MECOM: variants seen among roughly 807,000 people sequenced by gnomAD.
MECOM encodes histone-lysine N-methyltransferase MECOM.
MECOM carries 13 observed loss-of-function variants against 116.3 expected under a neutral mutation model. That is an observed-to-expected ratio of 0.11 (90% CI 0.07 to 0.18). The LOEUF is 0.18. MECOM is among the 10% of genes least tolerant of loss of function. The probability of loss-of-function intolerance (pLI) is 1.00; values close to 1 mark genes in which losing one functional copy is unlikely to be tolerated. For synonymous variants in MECOM, 528 were observed against 535.2 expected (o/e 0.99, Z 0.19); for missense variants, 1,299 against 1,509.0 (o/e 0.86, Z 2.31).
rs115137141 is a variant in MECOM, at chr3:169,621,252, C to T, written c.37+42084G>A. On this transcript the variant is annotated intron_variant, in intron 1 of 16. Transcript: ENST00000651503. ...ATTGAGAATTTACATAACTTGTCAG[C>T]GTCTCACTATCCTAATCTATAGAAT... Among the ~76,000 whole-genome samples the T allele has an allele frequency of 8.4e-3, 1,277 of 152,314 alleles. 16 individuals carry two copies. The highest frequency in any genetic ancestry group is 0.029 in the African/African-American group (1,206 of 41,558).
At chr3:169,557,363 C>T (rs1174111200) in intron 1 of MECOM, among the ~76,000 whole-genome samples, 1 of 152,154 alleles carries the variant, frequency 6.6e-6, no homozygotes, top group African/African-American at 2.4e-5. Flanking sequence ...GTCACCACCC[C>T]ACCCTCATAG....
At chr3:169,543,831 C>T (rs1392124281) in intron 1 of MECOM, among the ~76,000 whole-genome samples, 4 of 152,132 alleles carry the variant, frequency 2.6e-5, no homozygotes, top group Non-Finnish European at 5.9e-5. Flanking sequence ...CTTTAAGTAT[C>T]TGCATACTTG....
chr3:169,444,619 A>G (rs1420833131), intron 1 of MECOM, among the ~76,000 whole-genome samples: 2 of 152,132 alleles, frequency 1.3e-5, no homozygotes, highest in African/African-American at 2.4e-5. Flanking sequence ...AGTCTCGGGT[A>G]TGTCTTTATC....
rs1716984902 is a variant in MECOM, at chr3:169,084,241, T to C, written c.*668A>G. 8.6e-6 allele frequency: 2 copies of C among 231,486 alleles called. No homozygotes were observed. The highest frequency in any genetic ancestry group is 3.6e-4 in the South Asian group (2 of 5,504). The allele number at this position is 231,486 out of a possible 1,614,324, so 14.3% of individuals were successfully genotyped here. A position where few individuals can be genotyped will look rare whatever the true frequency, so the allele number is the denominator to read the frequency against. ...ATTAGTGGTACAGCGGTACTGGTGATGAATAGGTTACTTCACTGACTTAAC... is the reference window on the plus strand; with the variant it reads ...ATTAGTGGTACAGCGGTACTGGTGACGAATAGGTTACTTCACTGACTTAAC... On this transcript the variant is annotated 3_prime_UTR_variant, in exon 17 of 17. Coordinates refer to ENST00000651503, the MANE Select transcript of MECOM (RefSeq NM_004991.4).
intron 1 of MECOM, among the ~76,000 whole-genome samples, chr3:169,420,845 G>A (rs1025595215): frequency 3.9e-5 from 6 of 152,094 alleles, no homozygotes; most frequent in Admixed American, 3.9e-4. Flanking sequence ...CATGCACTTT[G>A]AAATAAAATA....
intron 1 of MECOM, among the ~76,000 whole-genome samples, chr3:169,498,389 G>T (rs951520867): frequency 1.3e-5 from 2 of 152,128 alleles, no homozygotes; most frequent in African/African-American, 4.8e-5. Context: ...GTGAAACTCT[G>T]TCCAAAAGCA....
chr3:169,105,022 T>C (rs73879016), intron 10 of MECOM, among the ~76,000 whole-genome samples: 2 of 152,002 alleles, frequency 1.3e-5, no homozygotes, highest in Admixed American at 6.6e-5. Flanking sequence ...GAAAAGAGGA[T>C]TAAATTGGAG....
At chr3:169,193,720 T>G (rs1450930692) in intron 2 of MECOM, among the ~76,000 whole-genome samples, 1 of 152,030 alleles carries the variant, frequency 6.6e-6, no homozygotes, top group Non-Finnish European at 1.5e-5. Flanking sequence ...TCATTTTGAA[T>G]TTTTGGAATG....
rs144505620 is a variant in MECOM at position 169,295,809 on chromosome 3, T to C, written c.375+85378A>G. ...AACAAAACAAAGCAAAGACACCTTT[T>C]CACAGAACTTTAGAAATGACTGCAC... On this transcript the variant is annotated intron_variant, in intron 2 of 16. Transcript: ENST00000651503. Among the ~76,000 whole-genome samples, 154 of 152,300 alleles carry C rather than the reference T, an allele frequency of 1.0e-3. 1 individual carries two copies. Among genetic ancestry groups the C allele is most frequent in the African/African-American group, 3.5e-3 (146 of 41,562 alleles).
chr3:169,179,786 C>T (rs997704694), intron 2 of MECOM, among the ~76,000 whole-genome samples: 4 of 152,106 alleles, frequency 2.6e-5, no homozygotes, highest in Non-Finnish European at 5.9e-5. Flanking sequence ...AAATTCAGCT[C>T]GTTAAAAGGA....
chr3:169,459,095 C>T (rs1249525990), intron 1 of MECOM, among the ~76,000 whole-genome samples: 2 of 152,232 alleles, frequency 1.3e-5, no homozygotes, highest in Admixed American at 1.3e-4. Flanking sequence ...CCCATTTTCA[C>T]ATGTGCTTGG....
chr3:169,445,602 C>G (rs556499738), intron 1 of MECOM, among the ~76,000 whole-genome samples: 6 of 152,272 alleles, frequency 3.9e-5, no homozygotes, highest in East Asian at 3.9e-4. Context: ...GGGGTCACAG[C>G]CCCCACACAG....
chr3:169,260,916 T>C (rs144160271), intron 2 of MECOM, among the ~76,000 whole-genome samples: 4 of 152,262 alleles, frequency 2.6e-5, no homozygotes, highest in African/African-American at 9.6e-5. Context: ...AATGAAATCA[T>C]GGCATTTATC....
intron 1 of MECOM, among the ~76,000 whole-genome samples, chr3:169,609,637 A>T (rs2109809151): frequency 6.6e-6 from 1 of 152,268 alleles, no homozygotes; most frequent in Middle Eastern, 3.4e-3. Context: ...GAAGGTGACA[A>T]ATTATAGTCT....
intron 2 of MECOM, among the ~76,000 whole-genome samples, chr3:169,151,762 A>T (rs1560286236): frequency 6.6e-6 from 1 of 152,162 alleles, no homozygotes; most frequent in Non-Finnish European, 1.5e-5. Context: ...ATCTTACCTA[A>T]CCTAACTGAC....
At chr3:169,633,134 C>G (rs994482225) in intron 1 of MECOM, among the ~76,000 whole-genome samples, 3 of 151,562 alleles carry the variant, frequency 2.0e-5, no homozygotes, top group African/African-American at 7.3e-5. Flanking sequence ...TTTTTAATCA[C>G]AAAACAGGAA....
chr3:169,663,552 G>A lies in MECOM; in HGVS notation c.-180C>T, dbSNP rs184348086. 2.1e-5 allele frequency: 12 copies of A among 565,064 alleles called. No homozygotes were observed. The Admixed American group carries it at 2.8e-4, about 13-fold the overall frequency. 35.0% of individuals were successfully genotyped at this position (565,064 alleles called of 1,614,324 possible). A position where few individuals can be genotyped will look rare whatever the true frequency, so the allele number is the denominator to read the frequency against. Reference sequence around the variant, plus strand: ...TCTCCCTCCCTCCTGTTTCTCTCCTGTTTCTCTCTCTCTTCCACACACTCA... The same window carrying A: ...TCTCCCTCCCTCCTGTTTCTCTCCTATTTCTCTCTCTCTTCCACACACTCA... On this transcript the variant is annotated 5_prime_UTR_variant, in exon 1 of 17. Transcript: ENST00000651503.
chr3:169,270,645 T>C (rs932281818), intron 2 of MECOM, among the ~76,000 whole-genome samples: 2 of 152,138 alleles, frequency 1.3e-5, no homozygotes, highest in Admixed American at 6.6e-5. Context: ...TAAATACATA[T>C]CAACAATAGG....
chr3:169,497,122 C>A (rs895354192), intron 1 of MECOM, among the ~76,000 whole-genome samples: 4 of 152,122 alleles, frequency 2.6e-5, no homozygotes, highest in African/African-American at 4.8e-5. Context: ...TCTTTAATGG[C>A]AATATTATTC....
Sources: gnomAD v4.1 joint callset for allele counts (sites outside exome capture counted in the v4.1 genomes callset) on GRCh38, gnomAD v4.1.1 for gene constraint, MANE v1.5 for transcripts, NCBI Gene and HGNC (gene_info 2026-07-23, HGNC 2026-07-21) for gene names.